Variants in CEP126 observed in about 807,000 individuals in gnomAD.
CEP126 encodes centrosomal protein of 126 kDa.
In CEP126, 74 loss-of-function variants were observed where a neutral mutation model predicts 107.8. The observed-to-expected ratio is 0.69, with a 90% confidence interval of 0.57 to 0.83. The LOEUF is 0.83. Among genes scored for constraint, CEP126 ranks in the 40% least tolerant of loss-of-function variants. The probability of loss-of-function intolerance (pLI) is 0.00; values close to 1 mark genes in which losing one functional copy is unlikely to be tolerated. For missense variants in CEP126, 1,237 were observed against 1,281.9 expected, an observed-to-expected ratio of 0.96 and a Z score of 0.53; for synonymous variants, 449 against 446.0, an observed-to-expected ratio of 1.01 and a Z score of -0.08.
intron 1 of CEP126, among the ~76,000 whole-genome samples, chr11:101,921,818 T>G (rs1940332918): frequency 8.2e-6 from 1 of 122,462 alleles, no homozygotes; most frequent in African/African-American, 3.1e-5. Flanking sequence ...GGAGTTTCGC[T>G]TTTGTTGCCC....
chr11:101,946,652 G>A (rs959779619), intron 3 of CEP126, among the ~76,000 whole-genome samples: 1 of 152,022 alleles, frequency 6.6e-6, no homozygotes, highest in African/African-American at 2.4e-5. Flanking sequence ...CTGAGGTTGG[G>A]AGTTCGAGAC....
chr11:101,923,427 T>C (rs2137079452), intron 2 of CEP126, among the ~76,000 whole-genome samples: 1 of 152,330 alleles, frequency 6.6e-6, no homozygotes, highest in East Asian at 1.9e-4. Flanking sequence ...AGAGCAGTTA[T>C]GCCATTTTTT....
chr11:101,984,142 A>G (rs1336037428), intron 8 of CEP126, among the ~76,000 whole-genome samples: 1 of 152,238 alleles, frequency 6.6e-6, no homozygotes, highest in Non-Finnish European at 1.5e-5. Flanking sequence ...AAGAGTAAAT[A>G]CATATAAACA....
chr11:101,972,538 C>T (rs1007147124), intron 6 of CEP126, among the ~76,000 whole-genome samples: 1 of 152,008 alleles, frequency 6.6e-6, no homozygotes. Flanking sequence ...CGTGGTGGCT[C>T]ACACCTGTAA....
chr11:101,941,135 T>C (rs1940658029), intron 2 of CEP126, among the ~76,000 whole-genome samples: 1 of 152,178 alleles, frequency 6.6e-6, no homozygotes, highest in South Asian at 2.1e-4. Flanking sequence ...CAACAGAAAG[T>C]AGAATACTCT....
chr11:101,970,687 A>C (rs1433884504), intron 6 of CEP126, among the ~76,000 whole-genome samples: 1 of 152,204 alleles, frequency 6.6e-6, no homozygotes, highest in South Asian at 2.1e-4. Context: ...CCAATGTGAC[A>C]ATTTCTTTTA....
At chr11:101,967,944 T>C (rs1941077120) in intron 6 of CEP126, among the ~76,000 whole-genome samples, 1 of 152,178 alleles carries the variant, frequency 6.6e-6, no homozygotes, top group Non-Finnish European at 1.5e-5. Flanking sequence ...CCATTTATTT[T>C]ATATAGTATG....
At chr11:101,960,345 G>A (rs1940955021) in intron 5 of CEP126, among the ~76,000 whole-genome samples, 1 of 152,176 alleles carries the variant, frequency 6.6e-6, no homozygotes, top group Non-Finnish European at 1.5e-5. Flanking sequence ...GGAAATCTTA[G>A]AGCCATGGAT....
intron 2 of CEP126, among the ~76,000 whole-genome samples, chr11:101,942,974 T>C (rs745801309): frequency 2.0e-5 from 3 of 152,106 alleles, no homozygotes; most frequent in Non-Finnish European, 4.4e-5. Context: ...GCAACTTTGC[T>C]GAATTCATTT....
At chr11:101,993,456 A>T (rs1390420083) in intron 10 of CEP126, among the ~76,000 whole-genome samples, 1 of 152,146 alleles carries the variant, frequency 6.6e-6, no homozygotes, top group Non-Finnish European at 1.5e-5. Context: ...TATCCAGTCT[A>T]CCATTGATGG....
intron 1 of CEP126, among the ~76,000 whole-genome samples, chr11:101,917,602 T>TA (rs1940243899): frequency 7.0e-6 from 1 of 143,812 alleles, no homozygotes; most frequent in Non-Finnish European, 1.5e-5. Flanking sequence ...GAAATGGAAT[T>TA]TAAAAAAAAA....
chr11:101,974,072 G>C (rs1941164738), intron 6 of CEP126, among the ~76,000 whole-genome samples: 1 of 151,972 alleles, frequency 6.6e-6, no homozygotes, highest in Non-Finnish European at 1.5e-5. Context: ...TATGTATTTA[G>C]TCTTTTTTAA....
In CEP126 at chr11:101,986,832, T is replaced by C. The variant is rs773279026; in HGVS notation, c.3035T>C (p.Val1012Ala). Reference sequence around the variant, plus strand: ...GAATAACTGATGTAAGTTTCTGTAGTTTCAGATAGTACTTCTGAGTTTTTG... The same window carrying C: ...GAATAACTGATGTAAGTTTCTGTAGCTTCAGATAGTACTTCTGAGTTTTTG... ...TTRGTSYIEE[V>A]SDSTSEFLMA... Residue 1012 changes from valine (V) to alanine (A), a missense_variant and splice_region_variant, in exon 9 of 11, where the codon GTT becomes GCT. Coordinates refer to ENST00000263468, the MANE Select transcript of CEP126 (RefSeq NM_020802.4). 1 of 1,612,556 alleles carries C rather than the reference T, an allele frequency of 6.2e-7. No homozygotes were observed.
At chr11:101,954,495 T>G (rs1167852808) in intron 4 of CEP126, among the ~76,000 whole-genome samples, 1 of 152,182 alleles carries the variant, frequency 6.6e-6, no homozygotes, top group Non-Finnish European at 1.5e-5. Context: ...TATGCTAGGA[T>G]CATTAAATAA....
chr11:101,996,822 G>A (rs184972583), intron 10 of CEP126, among the ~76,000 whole-genome samples: 23 of 152,196 alleles, frequency 1.5e-4, no homozygotes, highest in East Asian at 7.7e-4. Flanking sequence ...TCCTTCTGGC[G>A]TGCCTAACTA....
intron 9 of CEP126, among the ~76,000 whole-genome samples, chr11:101,991,501 A>G (rs1378036222): frequency 6.6e-6 from 1 of 152,222 alleles, no homozygotes; most frequent in Non-Finnish European, 1.5e-5. Context: ...TATGACTAAT[A>G]TGTTAAAGGT....
At chr11:101,992,961 G>T in intron 10 of CEP126, 119 bp downstream of exon 10, 4 of 1,023,550 alleles carry the variant, frequency 3.9e-6, no homozygotes, top group Non-Finnish European at 2.5e-6. Flanking sequence ...GGTTTATAGA[G>T]GTTTTCTCCT....
At position 101,958,152 on chromosome 11, in the gene CEP126, T is replaced by C. The variant is rs1471922953; in HGVS notation, c.507-16T>C. Reference sequence around the variant, plus strand: ...TTATTTAAATGTACTAAGCACTTTTTATGTCTGGTTCACAGAGCTATAGAT... The same window carrying C: ...TTATTTAAATGTACTAAGCACTTTTCATGTCTGGTTCACAGAGCTATAGAT... On this transcript the variant is annotated splice_polypyrimidine_tract_variant and intron_variant, in intron 4 of 10. Coordinates refer to ENST00000263468, the MANE Select transcript of CEP126 (RefSeq NM_020802.4). The C allele has an allele frequency of 8.1e-6, 13 of 1,608,550 alleles. No individual in the cohort carries two copies. In the East Asian group the frequency reaches 2.9e-4, roughly 36 times the overall value.
intron 1 of CEP126, among the ~76,000 whole-genome samples, chr11:101,919,796 CAG>C (rs146034986): frequency 6.6e-6 from 1 of 152,244 alleles, no homozygotes; most frequent in Non-Finnish European, 1.5e-5. Context: ...ACATGTCAAA[CAG>C]AGAACAGAAC....
Sources: gnomAD v4.1 joint callset for allele counts (sites outside exome capture counted in the v4.1 genomes callset) on GRCh38, gnomAD v4.1.1 for gene constraint, MANE v1.5 for transcripts, NCBI Gene and HGNC (gene_info 2026-07-23, HGNC 2026-07-21) for gene names.